SFI1: variants seen among roughly 807,000 people sequenced by gnomAD.
SFI1 encodes SFI1 centrin binding protein, also known as protein SFI1 homolog.
Under a neutral mutation model 207.5 loss-of-function variants are expected in SFI1, and 195 were observed. The observed-to-expected ratio is 0.94, with a 90% CI of 0.84 to 1.06. The LOEUF (loss-of-function observed/expected upper bound fraction) is 1.06. Among genes scored for constraint, SFI1 ranks in the 50% least tolerant of loss-of-function variants. The pLI is 0.00. For synonymous variants in SFI1, 630 were observed against 598.9 expected (o/e 1.05, Z -0.76); for missense variants, 1,634 against 1,588.0 (o/e 1.03, Z -0.49).
chr22:31,606,316 A>G lies in SFI1; in HGVS notation c.2055-12A>G. The stretch of plus-strand genomic sequence containing the variant: ...GGTGTCATCTGCCTTCCTCGCACCC[A>G]TGCATCTGCAGCGGGGCATTACGTC... On this transcript the variant is annotated splice_polypyrimidine_tract_variant and intron_variant, in intron 20 of 32. Transcript: ENST00000400288. 6.2e-7 allele frequency: 1 copy of G among 1,611,884 alleles called. No homozygotes were observed. The highest frequency in any genetic ancestry group is 8.5e-7 in the Non-Finnish European group (1 of 1,178,366).
Position 31,608,041 on chromosome 22 carries a change from G to C in SFI1, c.2254+8G>C. ...AGAAGGTGCTGGACAGGGGTAAGTG[G>C]GGCCCCAGAAGCAAGTCATGTTGAG... is the stretch of plus-strand genomic sequence containing the variant. On this transcript the variant is annotated splice_region_variant and intron_variant, in intron 22 of 32. Coordinates refer to ENST00000400288, the MANE Select transcript of SFI1 (RefSeq NM_001007467.3). The C allele has an allele frequency of 1.2e-6, 2 of 1,612,902 alleles. No homozygotes were observed. Among genetic ancestry groups the C allele is most frequent in the Non-Finnish European group, 1.7e-6 (2 of 1,179,186 alleles).
chr22:31,598,604 A>G (rs1479549053), intron 15 of SFI1, among the ~76,000 whole-genome samples: 4 of 147,126 alleles, frequency 2.7e-5, no homozygotes, highest in African/African-American at 7.5e-5. Flanking sequence ...TATTTTTAGT[A>G]GAGACGGGGT....
In SFI1 at chr22:31,607,983, G is replaced by C. The variant is rs775566367; in HGVS notation, c.2204G>C (p.Arg735Pro). ...REAVSVQMYY[R>P]QQEDCAIWEA... Reference sequence around the variant, plus strand: ...GCTGTGTCAGTGCAGATGTATTACCGACAGCAGGAGGACTGTGCCATCTGG... The same window carrying C: ...GCTGTGTCAGTGCAGATGTATTACCCACAGCAGGAGGACTGTGCCATCTGG... Residue 735 changes from arginine to proline, a missense_variant, in exon 22 of 33, where the codon CGA becomes CCA. Physicochemically the swap from Arg to Pro is moderately radical, Grantham distance 103. Coordinates refer to ENST00000400288, the MANE Select transcript of SFI1 (RefSeq NM_001007467.3). 1.2e-6 allele frequency: 2 copies of C among 1,613,800 alleles called. No individual in the cohort carries two copies. Among genetic ancestry groups the C allele is most frequent in the African/African-American group, 2.7e-5 (2 of 74,898 alleles).
At chr22:31,516,376 TGTG>T (rs1455246494) in intron 2 of SFI1, among the ~76,000 whole-genome samples, 1 of 149,930 alleles carries the variant, frequency 6.7e-6, no homozygotes, top group Non-Finnish European at 1.5e-5. Context: ...AGCTGGGTAT[TGTG>T]GTGTGTGCCT....
rs961013809 is a variant in SFI1, at chr22:31,573,142, T to G, written c.850T>G (p.Trp284Gly). 10 of 1,613,808 alleles carry G rather than the reference T, an allele frequency of 6.2e-6. No individual in the cohort carries two copies. The highest frequency in any genetic ancestry group is 8.5e-6 in the Non-Finnish European group (10 of 1,179,982). The change falls in exon 9 of 33, where the codon TGG (tryptophan) becomes GGG (glycine). Residue 284 changes from tryptophan to glycine, a missense_variant. Transcript: ENST00000400288. ...CTCTGCAGTGAAACATCATCAGCAC[T>G]GGCAAAAACGGAGATTTCTAAAGGC... ...VVSAVKHHQH[W>G]QKRRFLKAWL...
At chr22:31,598,671 C>T (rs2067554873) in intron 15 of SFI1, among the ~76,000 whole-genome samples, 1 of 127,934 alleles carries the variant, frequency 7.8e-6, no homozygotes, top group African/African-American at 2.9e-5. Context: ...CCCGCCTCGG[C>T]CTCCCAGAGT....
chr22:31,555,652 A>G (rs1433208124), intron 6 of SFI1, among the ~76,000 whole-genome samples: 2 of 152,220 alleles, frequency 1.3e-5, no homozygotes, highest in African/African-American at 4.8e-5. Flanking sequence ...CTTTCCAAAC[A>G]TAACTCTGAG....
At chr22:31,532,145 G>A (rs2058590858) in intron 4 of SFI1, among the ~76,000 whole-genome samples, 1 of 152,164 alleles carries the variant, frequency 6.6e-6, no homozygotes, top group Non-Finnish European at 1.5e-5. Context: ...TCTGGGAAAA[G>A]TGTTTGCCCA....
At chr22:31,560,895 TTTC>T (rs372944271) in intron 7 of SFI1, among the ~76,000 whole-genome samples, 1 of 152,052 alleles carries the variant, frequency 6.6e-6, no homozygotes, top group Non-Finnish European at 1.5e-5. Context: ...AGAGACAGGG[TTTC>T]ACTGTGTTGG....
intron 1 of SFI1, among the ~76,000 whole-genome samples, chr22:31,501,460 G>A (rs139259231): frequency 4.6e-5 from 7 of 152,190 alleles, no homozygotes; most frequent in Non-Finnish European, 7.4e-5. Flanking sequence ...GTGAGTCACC[G>A]TGCCCAGCTG....
intron 15 of SFI1, among the ~76,000 whole-genome samples, chr22:31,598,103 G>C (rs936562356): frequency 3.0e-4 from 45 of 150,762 alleles, no homozygotes; most frequent in Middle Eastern, 3.4e-3. Context: ...TCAGCCTCCT[G>C]AGTAGCTGGG....
chr22:31,575,476 T>C (rs1281089496), intron 10 of SFI1, 84 bp downstream of exon 10: 4 of 1,369,234 alleles, frequency 2.9e-6, no homozygotes, highest in South Asian at 3.4e-5. Context: ...AGTCATGAGA[T>C]ACATGGGAAA....
chr22:31,518,143 C>T (rs552498118), intron 2 of SFI1, among the ~76,000 whole-genome samples: 2 of 152,248 alleles, frequency 1.3e-5, no homozygotes, highest in African/African-American at 2.4e-5. Context: ...CCCACCACCA[C>T]GCCTGGCTGT....
Position 31,573,052 on chromosome 22 carries a change from T to C in SFI1, c.766-6T>C. ...CTTTGACTGTTGCCTCTTCTCTGGT[T>C]TTCAGGCTTGGTCACAGTGGCGGGA... On this transcript the variant is annotated splice_polypyrimidine_tract_variant and splice_region_variant and intron_variant, in intron 8 of 32. Coordinates refer to ENST00000400288, the MANE Select transcript of SFI1 (RefSeq NM_001007467.3). 2 of 1,612,926 alleles carry C rather than the reference T, an allele frequency of 1.2e-6. No homozygotes were observed. Among genetic ancestry groups the C allele is most frequent in the South Asian group, 1.1e-5 (1 of 90,996 alleles).
At chr22:31,529,814 A>G (rs2058291686) in intron 3 of SFI1, among the ~76,000 whole-genome samples, 1 of 152,144 alleles carries the variant, frequency 6.6e-6, no homozygotes, top group African/African-American at 2.4e-5. Flanking sequence ...ATGTAAGAAT[A>G]AGCCAGATAA....
chr22:31,569,963 A>G (rs1318590309), intron 8 of SFI1, among the ~76,000 whole-genome samples: 2 of 151,442 alleles, frequency 1.3e-5, no homozygotes, highest in African/African-American at 4.9e-5. Context: ...AAAAAAAAAA[A>G]AAAATTAGCT....
At chr22:31,585,018 A>G in intron 13 of SFI1, 50 bp from the exon 14 acceptor site, 15 of 1,577,626 alleles carry the variant, frequency 9.5e-6, no homozygotes, top group Non-Finnish European at 1.2e-5. Flanking sequence ...CTGCCTTAAA[A>G]CAAAGTTTTA....
intron 21 of SFI1, chr22:31,607,639 T>C (rs931708229): frequency 6.6e-6 from 1 of 152,134 alleles, no homozygotes; most frequent in African/African-American, 2.4e-5. Flanking sequence ...TATATATATA[T>C]AAAAATAGAA....
chr22:31,550,405 C>G (rs2060517665), intron 6 of SFI1, 57 bp downstream of exon 6: 4 of 1,354,364 alleles, frequency 3.0e-6, no homozygotes, highest in Non-Finnish European at 4.2e-6. Context: ...TGCAGAAGGT[C>G]ATAGGAAGGA....
Sources: allele counts gnomAD v4.1 joint callset (sites outside exome capture counted in the v4.1 genomes callset), GRCh38; gene constraint gnomAD v4.1.1; transcripts MANE v1.5; gene names NCBI Gene and HGNC (gene_info 2026-07-23, HGNC 2026-07-21).